The following LPCAT2 variants were observed in gnomAD, a reference collection of about 807,000 sequenced individuals.
The protein encoded by LPCAT2 is lysophosphatidylcholine acyltransferase 2.
A neutral mutation model predicts 64.7 loss-of-function variants in LPCAT2; 58 were observed. The ratio of observed to expected loss-of-function variants is 0.90; its 90% CI spans 0.73 to 1.12. The LOEUF is 1.12. LPCAT2 is among the 50% of genes most tolerant of loss of function. The probability of loss-of-function intolerance (pLI) is 0.00; values close to 1 mark genes in which losing one functional copy is unlikely to be tolerated. For synonymous variants in LPCAT2, 252 were observed against 245.3 expected (o/e 1.03, Z -0.26); for missense variants, 579 against 669.8 (o/e 0.86, Z 1.50).
intron 11 of LPCAT2, among the ~76,000 whole-genome samples, chr16:55,569,506 C>T (rs1465542598): frequency 6.6e-6 from 1 of 152,190 alleles, no homozygotes; most frequent in African/African-American, 2.4e-5. Context: ...TATAATTTAA[C>T]CTTTCCATAG....
chr16:55,562,370 A>G (rs2142408839), intron 11 of LPCAT2, among the ~76,000 whole-genome samples: 1 of 152,028 alleles, frequency 6.6e-6, no homozygotes, highest in Non-Finnish European at 1.5e-5. Context: ...CCTTTGCCTC[A>G]GTAGAATTCA....
In LPCAT2 at chr16:55,579,128, A is replaced by G; in HGVS notation, c.1334A>G (p.Asp445Gly). 6.2e-7 allele frequency: 1 copy of G among 1,613,176 alleles called. No homozygotes were observed. The highest frequency in any genetic ancestry group is 1.3e-5 in the African/African-American group (1 of 74,968). Residue 445 changes from aspartate to glycine, a missense_variant, in exon 13 of 14, where the codon GAT becomes GGT. Physicochemically the swap from Asp to Gly is moderately conservative, Grantham distance 94. Coordinates refer to ENST00000262134, the MANE Select transcript of LPCAT2 (RefSeq NM_017839.5). ...VAFKLFDVDE[D>G]GYITEEEFST... The stretch of plus-strand genomic sequence containing the variant: ...CTTCAGCTGTTTGACGTTGATGAGG[A>G]TGGCTACATAACGGAGGAAGAGTTC...
chr16:55,544,483 T>G (rs1246445561), intron 8 of LPCAT2, among the ~76,000 whole-genome samples: 1 of 152,200 alleles, frequency 6.6e-6, no homozygotes, highest in Non-Finnish European at 1.5e-5. Context: ...GTCATGTTTG[T>G]AGGGCTTAGT....
intron 11 of LPCAT2, chr16:55,567,292 A>G: frequency 3.1e-6 from 5 of 1,613,660 alleles, no homozygotes; most frequent in Non-Finnish European, 4.2e-6. Flanking sequence ...GGAGCTCTGC[A>G]GGCCGCAGGC....
At chr16:55,530,611 A>G (rs1963240675) in intron 4 of LPCAT2, among the ~76,000 whole-genome samples, 1 of 152,154 alleles carries the variant, frequency 6.6e-6, no homozygotes, top group Non-Finnish European at 1.5e-5. Flanking sequence ...ACAGTTATCT[A>G]GCCACACATG....
chr16:55,545,120 C>T (rs1963438754), intron 8 of LPCAT2, among the ~76,000 whole-genome samples: 1 of 151,924 alleles, frequency 6.6e-6, no homozygotes, highest in Non-Finnish European at 1.5e-5. Flanking sequence ...AAGAACAATA[C>T]AATTGAGGCA....
At chr16:55,558,180 A>T (rs1392252799) in intron 11 of LPCAT2, among the ~76,000 whole-genome samples, 1 of 152,262 alleles carries the variant, frequency 6.6e-6, no homozygotes, top group Admixed American at 6.5e-5. Flanking sequence ...TCAACATTTT[A>T]TATGTTTATA....
chr16:55,515,026 TA>T (rs1482592239), intron 1 of LPCAT2, among the ~76,000 whole-genome samples: 1 of 150,632 alleles, frequency 6.6e-6, no homozygotes, highest in African/African-American at 2.4e-5. Flanking sequence ...TTGAGGAACA[TA>T]AAAAAAGATG....
At chr16:55,572,212 T>A (rs1963777837) in intron 11 of LPCAT2, among the ~76,000 whole-genome samples, 1 of 152,176 alleles carries the variant, frequency 6.6e-6, no homozygotes, top group African/African-American at 2.4e-5. Context: ...TATTTCTCCA[T>A]CTGCAAAATG....
At chr16:55,572,186 G>A (rs529583897) in intron 11 of LPCAT2, among the ~76,000 whole-genome samples, 18 of 152,262 alleles carry the variant, frequency 1.2e-4, no homozygotes, top group East Asian at 3.9e-4. Flanking sequence ...GTAATGTTAA[G>A]AGTTTGTCAC....
At chr16:55,546,680 C>G (rs1397440563) in intron 9 of LPCAT2, among the ~76,000 whole-genome samples, 1 of 152,008 alleles carries the variant, frequency 6.6e-6, no homozygotes, top group East Asian at 1.9e-4. Flanking sequence ...TAACTATTTT[C>G]AAAATAGAAT....
intron 1 of LPCAT2, among the ~76,000 whole-genome samples, chr16:55,518,831 G>T (rs1166700830): frequency 1.3e-5 from 2 of 152,086 alleles, no homozygotes; most frequent in Non-Finnish European, 2.9e-5. Context: ...ATGCTTAGAA[G>T]AGAACATAAG....
At chr16:55,582,147 AAGCAC>A (rs1453599558) in intron 13 of LPCAT2, among the ~76,000 whole-genome samples, 1 of 152,152 alleles carries the variant, frequency 6.6e-6, no homozygotes, top group East Asian at 1.9e-4. Context: ...AAAACATATA[AAGCAC>A]AACGAAGTTT....
intron 11 of LPCAT2, among the ~76,000 whole-genome samples, chr16:55,568,005 A>G (rs1963726575): frequency 6.6e-6 from 1 of 152,212 alleles, no homozygotes; most frequent in Admixed American, 6.5e-5. Context: ...AAAAAAATGA[A>G]AAGTGCTTTT....
chr16:55,547,846 C>A (rs1426097827), intron 9 of LPCAT2, among the ~76,000 whole-genome samples: 1 of 152,062 alleles, frequency 6.6e-6, no homozygotes, highest in Non-Finnish European at 1.5e-5. Context: ...CGGCTCACTG[C>A]AACCTCCGCC....
chr16:55,534,486 C>A lies in LPCAT2; in HGVS notation c.797+9C>A. 1.5e-6 allele frequency: 2 copies of A among 1,374,854 alleles called. No individual in the cohort carries two copies. The highest frequency in any genetic ancestry group is 1.0e-6 in the Non-Finnish European group (1 of 999,686). The allele number at this position is 1,374,854 out of a possible 1,614,324, so 85.2% of individuals were successfully genotyped here. On this transcript the variant is annotated intron_variant, in intron 7 of 13. Coordinates refer to ENST00000262134, the MANE Select transcript of LPCAT2 (RefSeq NM_017839.5). ...TGGCAAGGATATACATTGTAAGTCA[C>A]TTATGTCTATTATTAGTTTATATAA...
At chr16:55,513,168 G>A (rs112717989) in intron 1 of LPCAT2, among the ~76,000 whole-genome samples, 46 of 152,250 alleles carry the variant, frequency 3.0e-4, no homozygotes, top group African/African-American at 7.2e-4. Flanking sequence ...GTAGGACTTC[G>A]CAGAAAAATA....
intron 9 of LPCAT2, among the ~76,000 whole-genome samples, chr16:55,547,848 A>G (rs1963471586): frequency 6.6e-6 from 1 of 151,874 alleles, no homozygotes; most frequent in Admixed American, 6.6e-5. Context: ...GCTCACTGCA[A>G]CCTCCGCCTC....
intron 11 of LPCAT2, among the ~76,000 whole-genome samples, chr16:55,572,064 GAA>G (rs1963776196): frequency 6.6e-6 from 1 of 152,102 alleles, no homozygotes. Flanking sequence ...TTACTAGGAT[GAA>G]AAGATTCATA....
Sources: allele counts gnomAD v4.1 joint callset (sites outside exome capture counted in the v4.1 genomes callset), GRCh38; gene constraint gnomAD v4.1.1; transcripts MANE v1.5; gene names NCBI Gene and HGNC (gene_info 2026-07-23, HGNC 2026-07-21).